The following TBC1D32 variants were observed in gnomAD, a reference collection of about 807,000 sequenced individuals.
The protein encoded by TBC1D32 is TBC1 domain family member 32.
TBC1D32 carries 151 observed loss-of-function variants against 170.3 expected under a neutral mutation model. The observed-to-expected ratio is 0.89, with a 90% CI of 0.78 to 1.01. The LOEUF is 1.01. TBC1D32 is among the 50% of genes least tolerant of loss of function. The pLI, the probability that TBC1D32 is intolerant of heterozygous loss-of-function variation, is 0.00. For synonymous variants in TBC1D32, 498 were observed against 488.0 expected (o/e 1.02, Z -0.27); for missense variants, 1,464 against 1,457.1 (o/e 1.00, Z -0.08).
chr6:121,321,880 A>C, intron 1 of TBC1D32, 86 bp from the exon 2 acceptor site: 1 of 1,202,318 alleles, frequency 8.3e-7, no homozygotes, highest in Non-Finnish European at 1.1e-6. Context: ...TAACATATTA[A>C]GATTTCTTAC....
chr6:121,253,713 C>T (rs1412886390), intron 17 of TBC1D32, among the ~76,000 whole-genome samples: 4 of 151,408 alleles, frequency 2.6e-5, no homozygotes, highest in African/African-American at 7.3e-5. Flanking sequence ...AGCGAGATTC[C>T]GTCTCAAAAA....
At chr6:121,183,422 G>A (rs1452558124) in intron 22 of TBC1D32, among the ~76,000 whole-genome samples, 28 of 152,080 alleles carry the variant, frequency 1.8e-4, no homozygotes, top group Non-Finnish European at 7.4e-5. Flanking sequence ...ACGGCAGGTG[G>A]CTAGAGGTGG....
chr6:121,280,860 T>C (rs79653718), intron 14 of TBC1D32, among the ~76,000 whole-genome samples: 4,974 of 151,802 alleles, frequency 0.033, 190 homozygotes, highest in East Asian at 0.12. Flanking sequence ...AAAATAGATA[T>C]GAAAAAGCAA....
intron 21 of TBC1D32, among the ~76,000 whole-genome samples, chr6:121,215,938 T>C (rs190576316): frequency 3.7e-4 from 56 of 152,356 alleles, no homozygotes; most frequent in African/African-American, 1.3e-3. Context: ...TGGAAAGCAT[T>C]GTAGCAATTG....
At chr6:121,178,990 A>G (rs549248036) in intron 22 of TBC1D32, among the ~76,000 whole-genome samples, 31 of 152,290 alleles carry the variant, frequency 2.0e-4, no homozygotes, top group African/African-American at 7.2e-4. Context: ...ACCAGCTAAG[A>G]CGTGTCCAGA....
At chr6:121,260,064 G>C (rs76086280) in intron 15 of TBC1D32, among the ~76,000 whole-genome samples, 2,281 of 152,162 alleles carry the variant, frequency 0.015, 42 homozygotes, top group African/African-American at 0.044. Flanking sequence ...TTTCTCTATG[G>C]AATCCCTTAA....
At chr6:121,310,150 A>AGAAGTAAATTCAAGAGATCTACTGT (rs1807962982) in intron 4 of TBC1D32, among the ~76,000 whole-genome samples, 1 of 152,094 alleles carries the variant, frequency 6.6e-6, no homozygotes, top group African/African-American at 2.4e-5. Flanking sequence ...TTCAGTTAGG[A>AGAAGTAAATTCAAGAGATCTACTGT]GAAGTAAATT....
At position 121,199,571 on chromosome 6, in the gene TBC1D32, C is replaced by T. The variant is rs192990843; in HGVS notation, c.2570+5504G>A. Among the ~76,000 whole-genome samples, 542 of 151,170 alleles carry T rather than the reference C, an allele frequency of 3.6e-3. 27 individuals carry two copies. The highest frequency in any genetic ancestry group is 0.012 in the African/African-American group (505 of 40,714). On this transcript the variant is annotated intron_variant, in intron 22 of 31. Coordinates refer to ENST00000398212, the MANE Select transcript of TBC1D32 (RefSeq NM_152730.6). ...TTTTGAATTAGTTACTGTCTTCAATCAGTAATCGATCATTTTATTATTTTT... is the reference window on the plus strand; with the variant it reads ...TTTTGAATTAGTTACTGTCTTCAATTAGTAATCGATCATTTTATTATTTTT...
At chr6:121,321,179 G>A (rs1400230795) in intron 2 of TBC1D32, among the ~76,000 whole-genome samples, 4 of 152,094 alleles carry the variant, frequency 2.6e-5, no homozygotes, top group Non-Finnish European at 5.9e-5. Context: ...TATGCTGTAG[G>A]AACTTAACTG....
chr6:121,109,805 A>G (rs898450980), intron 29 of TBC1D32, among the ~76,000 whole-genome samples: 2 of 152,060 alleles, frequency 1.3e-5, no homozygotes, highest in African/African-American at 4.8e-5. Flanking sequence ...CTTCAAATTA[A>G]TTTTTCATTA....
chr6:121,150,333 C>A (rs950439972), intron 24 of TBC1D32, among the ~76,000 whole-genome samples: 1 of 152,164 alleles, frequency 6.6e-6, no homozygotes, highest in Non-Finnish European at 1.5e-5. Context: ...GTTGAACCAG[C>A]CTTGCATCCC....
At chr6:121,321,851 A>AC in intron 1 of TBC1D32, 57 bp from the exon 2 acceptor site, 1 of 1,427,816 alleles carries the variant, frequency 7.0e-7, no homozygotes, top group East Asian at 2.4e-5. Context: ...ATTCAGAAAA[A>AC]AAAATCAACA....
intron 12 of TBC1D32, among the ~76,000 whole-genome samples, chr6:121,291,115 G>T (rs906573915): frequency 4.6e-5 from 7 of 151,510 alleles, no homozygotes; most frequent in Non-Finnish European, 8.8e-5. Flanking sequence ...TAACCTGCAC[G>T]TTGTGCACAT....
intron 20 of TBC1D32, among the ~76,000 whole-genome samples, chr6:121,231,651 T>C (rs1478207150): frequency 6.6e-6 from 1 of 152,200 alleles, no homozygotes; most frequent in East Asian, 1.9e-4. Context: ...GTGGTTTTGA[T>C]ATGGATTTCC....
At chr6:121,242,086 TG>T in intron 18 of TBC1D32, 114 bp downstream of exon 18, 1 of 1,063,684 alleles carries the variant, frequency 9.4e-7, no homozygotes, top group Non-Finnish European at 1.3e-6. Context: ...CAATGCTATA[TG>T]GTCTTTTAAC....
chr6:121,148,736 C>G (rs566302992), intron 24 of TBC1D32, among the ~76,000 whole-genome samples: 1 of 152,148 alleles, frequency 6.6e-6, no homozygotes, highest in Admixed American at 6.5e-5. Context: ...GCCTCAGCCT[C>G]CCGGGTAGCT....
At chr6:121,153,108 T>C (rs959049408) in intron 24 of TBC1D32, among the ~76,000 whole-genome samples, 1 of 152,170 alleles carries the variant, frequency 6.6e-6, no homozygotes, top group African/African-American at 2.4e-5. Flanking sequence ...GTTGGCTTTT[T>C]TTTACTGGTT....
chr6:121,218,550 T>A (rs1235399129), intron 21 of TBC1D32, among the ~76,000 whole-genome samples: 1 of 152,116 alleles, frequency 6.6e-6, no homozygotes, highest in Non-Finnish European at 1.5e-5. Context: ...TTAATCTGGG[T>A]AGGCACCCTC....
chr6:121,190,078 ACAC>A (rs1562834078), intron 22 of TBC1D32, among the ~76,000 whole-genome samples: 322 of 28,172 alleles, frequency 0.011, 12 homozygotes, highest in African/African-American at 0.016. Context: ...ATACAGACAC[ACAC>A]ACACACACAC....
Sources: gnomAD v4.1 joint callset for allele counts (sites outside exome capture counted in the v4.1 genomes callset) on GRCh38, gnomAD v4.1.1 for gene constraint, MANE v1.5 for transcripts, NCBI Gene and HGNC (gene_info 2026-07-23, HGNC 2026-07-21) for gene names.